The following PCNX2 variants were observed in gnomAD, a reference collection of about 807,000 sequenced individuals.
The protein encoded by PCNX2 is pecanex-like protein 2.
Under a neutral mutation model 223.8 loss-of-function variants are expected in PCNX2, and 168 were observed. The observed-to-expected ratio is 0.75, with a 90% CI of 0.66 to 0.85. The LOEUF (loss-of-function observed/expected upper bound fraction) is 0.85, where lower values mean the gene tolerates loss of function less well. Ranked by LOEUF, PCNX2 falls within the 40% of genes least tolerant of loss-of-function variation. The probability of loss-of-function intolerance (pLI) is 0.00; values close to 1 mark genes in which losing one functional copy is unlikely to be tolerated. For synonymous variants in PCNX2, 1,006 were observed against 1,052.6 expected (o/e 0.96, Z 0.86); for missense variants, 2,507 against 2,675.5 (o/e 0.94, Z 1.39).
chr1:233,091,152 C>G (rs1558221267), intron 22 of PCNX2, among the ~76,000 whole-genome samples: 1 of 152,076 alleles, frequency 6.6e-6, no homozygotes, highest in Non-Finnish European at 1.5e-5. Context: ...CTGCCCAGGT[C>G]GTATAATATC....
intron 21 of PCNX2, among the ~76,000 whole-genome samples, chr1:233,117,081 G>GAA (rs756683181): frequency 7.2e-5 from 11 of 152,026 alleles, no homozygotes; most frequent in Non-Finnish European, 1.2e-4. Context: ...ACAGCTATCA[G>GAA]AAAACCCAAT....
chr1:233,259,288 T>C lies in PCNX2; in HGVS notation c.574A>G (p.Ile192Val). The change falls in exon 5 of 34, where the codon ATC becomes GTC. Residue 192 changes from isoleucine to valine, a missense_variant. Ile to Val is a conservative substitution (Grantham distance 29, BLOSUM62 3). This residue lies in a region of PCNX2 where 1,031 missense variants were observed against 1,021.7 expected (regional missense o/e 1.01). Transcript: ENST00000258229. ...GACGCAGGTAAGCTTTCCACTTTGA[T>C]ACCAGGTGAGGTAGATGACACTGGT... ...IAPVSSTSPG[I>V]KVESLPASQA... The C allele has an allele frequency of 1.2e-6, 2 of 1,613,974 alleles. No individual in the cohort carries two copies. The highest frequency in any genetic ancestry group is 1.7e-4 in the Middle Eastern group (1 of 6,058).
intron 9 of PCNX2, among the ~76,000 whole-genome samples, chr1:233,232,452 T>C (rs1377657819): frequency 6.6e-6 from 1 of 152,220 alleles, no homozygotes; most frequent in African/African-American, 2.4e-5. Flanking sequence ...TTTCAACTTA[T>C]GATGGATTTA....
At chr1:233,257,556 G>A (rs1333519862) in intron 5 of PCNX2, among the ~76,000 whole-genome samples, 1 of 152,184 alleles carries the variant, frequency 6.6e-6, no homozygotes, top group Admixed American at 6.5e-5. Context: ...AAGAGCGGCA[G>A]AAGTGTTTGT....
At chr1:233,300,490 G>C (rs552913574), upstream of PCNX2, among the ~76,000 whole-genome samples, 29 of 152,254 alleles carry the variant, frequency 1.9e-4, no homozygotes, top group African/African-American at 7.0e-4. Flanking sequence ...GTTTACTCTA[G>C]CAGCCCCTAG....
At chr1:232,995,889 C>T (rs532723885) in intron 32 of PCNX2, among the ~76,000 whole-genome samples, 4 of 152,108 alleles carry the variant, frequency 2.6e-5, no homozygotes, top group Non-Finnish European at 4.4e-5. Context: ...TCCCCCTCCT[C>T]TCCCCCCACC....
chr1:233,114,929 A>C (rs189344568), intron 21 of PCNX2, among the ~76,000 whole-genome samples: 84 of 152,268 alleles, frequency 5.5e-4, no homozygotes, highest in African/African-American at 2.0e-3. Flanking sequence ...GGTGAAGATC[A>C]AGAAACATCC....
intron 32 of PCNX2, among the ~76,000 whole-genome samples, chr1:232,995,896 C>A (rs186602180): frequency 1.7e-4 from 26 of 152,198 alleles, no homozygotes; most frequent in African/African-American, 3.9e-4. Flanking sequence ...CCTCTCCCCC[C>A]ACCCAGGCTG....
intron 1 of PCNX2, among the ~76,000 whole-genome samples, chr1:233,274,480 A>G (rs1660809369): frequency 6.6e-6 from 1 of 152,246 alleles, no homozygotes; most frequent in South Asian, 2.1e-4. Context: ...ATTAAAGTGT[A>G]CCAAGCATAG....
intron 28 of PCNX2, among the ~76,000 whole-genome samples, chr1:233,012,338 C>T (rs973557815): frequency 6.6e-6 from 1 of 152,160 alleles, no homozygotes; most frequent in Non-Finnish European, 1.5e-5. Flanking sequence ...CCCACTGCAT[C>T]CTCCACCCCA....
chr1:233,130,763 GTGTGCCA>G (rs1231237441), intron 21 of PCNX2, among the ~76,000 whole-genome samples: 1 of 151,842 alleles, frequency 6.6e-6, no homozygotes, highest in East Asian at 1.9e-4. Flanking sequence ...GATTACAGGT[GTGTGCCA>G]CTGTGCCCGG....
At chr1:233,117,323 C>A (rs562835815) in intron 21 of PCNX2, among the ~76,000 whole-genome samples, 1 of 152,208 alleles carries the variant, frequency 6.6e-6, no homozygotes, top group African/African-American at 2.4e-5. Flanking sequence ...CAGACAAAGA[C>A]AATACACACA....
rs200950369 is a variant in PCNX2, at chr1:233,016,959, G to T, written c.4801C>A (p.Leu1601Ile). ...CGTGCACAGTGTTGAATCCATTCTA[G>T]ATAAACATTGCAGAAGCTAGCTCGT... ...ITRASFCNVY[L>I]EWIQHCARKR... The change falls in exon 27 of 34, where the codon CTA (leucine) becomes ATA (isoleucine). Residue 1601 changes from leucine to isoleucine, a missense_variant. By Grantham distance (5) the Leu-to-Ile change is conservative (BLOSUM62 2). This residue lies in a region of PCNX2 where 1,372 missense variants were observed against 1,509.4 expected (regional missense o/e 0.91). Transcript: ENST00000258229. 1.9e-6 allele frequency: 3 copies of T among 1,613,400 alleles called. No individual in the cohort carries two copies. The highest frequency in any genetic ancestry group is 2.5e-6 in the Non-Finnish European group (3 of 1,179,390).
At chr1:233,025,594 A>T (rs944425220) in intron 25 of PCNX2, 195 bp from the exon 26 acceptor site, 4 of 671,244 alleles carry the variant, frequency 6.0e-6, no homozygotes, top group African/African-American at 5.4e-5. Flanking sequence ...ATTCACTCAC[A>T]TTCAGTCTGA....
intron 21 of PCNX2, among the ~76,000 whole-genome samples, chr1:233,130,528 AG>A (rs1676429548): frequency 1.3e-5 from 2 of 148,524 alleles, no homozygotes; most frequent in Admixed American, 1.4e-4. Context: ...CTTGTTGCCC[AG>A]GCTGGAGTGC....
intron 12 of PCNX2, among the ~76,000 whole-genome samples, chr1:233,211,446 C>A (rs372755352): frequency 6.6e-6 from 1 of 151,950 alleles, no homozygotes; most frequent in African/African-American, 2.4e-5. Context: ...TTTTTGACAA[C>A]TGATATAAAA....
intron 15 of PCNX2, among the ~76,000 whole-genome samples, chr1:233,195,627 T>C (rs1680683149): frequency 6.6e-6 from 1 of 152,194 alleles, no homozygotes; most frequent in Non-Finnish European, 1.5e-5. Flanking sequence ...GGCTGAAATA[T>C]TACAAAATAA....
chr1:233,054,326 G>A lies in PCNX2; in HGVS notation c.4293C>T (p.His1431=). 1 of 1,613,860 alleles carries A rather than the reference G, an allele frequency of 6.2e-7. No individual in the cohort carries two copies. The highest frequency in any genetic ancestry group is 8.5e-7 in the Non-Finnish European group (1 of 1,179,864). The change falls in exon 25 of 34, where the codon CAC becomes CAT. Residue 1431 remains histidine, a synonymous_variant. Transcript: ENST00000258229. ...LASDDLNAFV[H]LIEIGNGLVT... is the part of the protein sequence containing the mutation. ...CAAGACCATTTCCAATTTCAATCAGGTGAACAAAGGCATTGAGGTCATCTG... is the reference window on the plus strand; with the variant it reads ...CAAGACCATTTCCAATTTCAATCAGATGAACAAAGGCATTGAGGTCATCTG...
At chr1:233,237,449 A>AT (rs1372649426) in intron 8 of PCNX2, among the ~76,000 whole-genome samples, 1 of 152,204 alleles carries the variant, frequency 6.6e-6, no homozygotes, top group Non-Finnish European at 1.5e-5. Flanking sequence ...TACTTATTAG[A>AT]CAAAAGAAAT....
Sources: allele counts gnomAD v4.1 joint callset (sites outside exome capture counted in the v4.1 genomes callset), GRCh38; gene constraint gnomAD v4.1.1; regional missense constraint gnomAD v4.1.1; transcripts MANE v1.5; gene names NCBI Gene and HGNC (gene_info 2026-07-23, HGNC 2026-07-21).